Variants in PDXDC1 observed in about 807,000 individuals in gnomAD.
PDXDC1 encodes the protein pyridoxal-dependent decarboxylase domain-containing protein 1.
Under a neutral mutation model 100.1 loss-of-function variants are expected in PDXDC1, and 42 were observed. The observed-to-expected ratio is 0.42, with a 90% confidence interval of 0.33 to 0.54. The LOEUF is 0.54. PDXDC1 is among the 20% of genes least tolerant of loss of function. PDXDC1 has a pLI of 0.10. For synonymous variants in PDXDC1, 260 were observed against 371.7 expected, an observed-to-expected ratio of 0.70 and a Z score of 3.46; for missense variants, 636 against 979.2, an observed-to-expected ratio of 0.65 and a Z score of 4.68.
rs1214370795 is a variant in PDXDC1, at chr16:15,038,329, A to T, written c.*2054A>T. The stretch of plus-strand genomic sequence containing the variant: ...TATATATAATAAAATACGTTAAGAA[A>T]TGAGGTGGCCTGAATTAGTAAGAAA... On this transcript the variant is annotated 3_prime_UTR_variant, in exon 23 of 23. Transcript: ENST00000396410. The T allele has an allele frequency of 1.0e-5, 8 of 765,926 alleles. No individual in the cohort carries two copies. The highest frequency in any genetic ancestry group is 1.7e-5 in the Non-Finnish European group (8 of 483,380). The allele number at this position is 765,926 out of a possible 1,614,324, so 47.4% of individuals were successfully genotyped here.
At chr16:15,128,017 C>G (rs2047839374) in intron 16 of PDXDC1, 1 of 1,601,464 alleles carries the variant, frequency 6.2e-7, no homozygotes, top group Non-Finnish European at 8.5e-7. Flanking sequence ...CCTTCTCCAC[C>G]AGGCCCCCGT....
In PDXDC1 at chr16:14,975,166, C is replaced by T; in HGVS notation, c.-34C>T. ...GGGCGCGGGAGGAGGAAGTAGAGCC[C>T]GGGACCGCCAGGCCACCACCGGCCG... On this transcript the variant is annotated 5_prime_UTR_variant, in exon 1 of 23. Transcript: ENST00000396410. 1 of 1,461,284 alleles carries T rather than the reference C, an allele frequency of 6.8e-7. No individual in the cohort carries two copies. Among genetic ancestry groups the T allele is most frequent in the East Asian group, 2.7e-5 (1 of 37,008 alleles). 90.5% of individuals were successfully genotyped at this position (1,461,284 alleles called of 1,614,324 possible).
downstream of PDXDC1, among the ~76,000 whole-genome samples, chr16:15,143,452 C>T (rs1313794713): frequency 2.6e-5 from 4 of 152,320 alleles, no homozygotes; most frequent in Admixed American, 1.3e-4. Context: ...CATGCTGCAG[C>T]GGGTCTGCCC....
intron 1 of PDXDC1, among the ~76,000 whole-genome samples, chr16:14,991,276 TG>T (rs1970744452): frequency 2.2e-4 from 3 of 13,810 alleles, no homozygotes; most frequent in Middle Eastern, 0.033. Flanking sequence ...TATGTGTGTG[TG>T]TGTGTGTGTG....
At chr16:15,080,661 A>T (rs914309142) in intron 16 of PDXDC1, among the ~76,000 whole-genome samples, 1 of 152,132 alleles carries the variant, frequency 6.6e-6, no homozygotes, top group Non-Finnish European at 1.5e-5. Flanking sequence ...CAACTCCTGG[A>T]TCTTCCCACT....
At chr16:15,038,358 G>T (rs895063868), downstream of PDXDC1, 2 of 657,892 alleles carry the variant, frequency 3.0e-6, no homozygotes, top group African/African-American at 3.7e-5. Flanking sequence ...TAAGAAAAAA[G>T]TTGATTGCTT....
At chr16:15,095,825 G>C (rs1190654234) in intron 16 of PDXDC1, among the ~76,000 whole-genome samples, 1 of 151,600 alleles carries the variant, frequency 6.6e-6, no homozygotes, top group Non-Finnish European at 1.5e-5. Context: ...ACTCCAGCCT[G>C]GGTGACGAGT....
chr16:14,981,739 C>T (rs1393138143), intron 1 of PDXDC1, among the ~76,000 whole-genome samples: 1 of 152,288 alleles, frequency 6.6e-6, no homozygotes, highest in Non-Finnish European at 1.5e-5. Flanking sequence ...TTTTTCCCTC[C>T]TTCACATACT....
intron 13 of PDXDC1, among the ~76,000 whole-genome samples, chr16:15,025,069 T>G (rs1350201530): frequency 6.6e-6 from 1 of 152,408 alleles, no homozygotes; most frequent in African/African-American, 2.4e-5. Flanking sequence ...GATTCACCTT[T>G]TTTTGGGTGT....
rs373141566 is a variant in PDXDC1 at position 15,097,598 on chromosome 16, C to T, written c.1400-41281C>T. 1.5e-4 allele frequency among the ~76,000 whole-genome samples: 22 copies of T among 150,114 alleles called. No individual in the cohort carries two copies. In the East Asian group the frequency reaches 2.2e-3, roughly 15 times the overall value. On this transcript the variant is annotated intron_variant, in intron 16 of 16. Coordinates refer to the PDXDC1 transcript ENST00000535621. ...TGGAGCTTGCAGTGAGCCGAGATCG[C>T]GCCACTGCACCCCAGCCTGGGTGAC...
At chr16:15,126,336 CA>C (rs2047726260) in intron 16 of PDXDC1, among the ~76,000 whole-genome samples, 1 of 92,410 alleles carries the variant, frequency 1.1e-5, no homozygotes, top group Non-Finnish European at 2.5e-5. Flanking sequence ...CACACCCGGC[CA>C]TCGTTCCATT....
At chr16:15,127,985 G>A in intron 16 of PDXDC1, 1 of 1,584,218 alleles carries the variant, frequency 6.3e-7, no homozygotes, top group South Asian at 1.1e-5. Context: ...ATGGAACGAG[G>A]CCTTACTCGC....
At chr16:14,993,986 GGTT>G (rs1275179019) in intron 1 of PDXDC1, among the ~76,000 whole-genome samples, 2 of 152,286 alleles carry the variant, frequency 1.3e-5, no homozygotes, top group African/African-American at 2.4e-5. Flanking sequence ...TTTTTGATGG[GGTT>G]GTTTTTTTCT....
At chr16:15,001,167 C>A (rs1489301200) in intron 3 of PDXDC1, among the ~76,000 whole-genome samples, 1 of 152,200 alleles carries the variant, frequency 6.6e-6, no homozygotes, top group East Asian at 1.9e-4. Flanking sequence ...CCAGGCTGGG[C>A]AACATGGCAA....
chr16:14,993,942 T>A (rs1971425913), intron 1 of PDXDC1, among the ~76,000 whole-genome samples: 1 of 152,238 alleles, frequency 6.6e-6, no homozygotes, highest in Non-Finnish European at 1.5e-5. Flanking sequence ...AAATGTCTTC[T>A]TTTGAGAAGT....
intron 4 of PDXDC1, among the ~76,000 whole-genome samples, chr16:15,002,476 A>G (rs2151372924): frequency 6.6e-6 from 1 of 152,418 alleles, no homozygotes; most frequent in Non-Finnish European, 1.5e-5. Flanking sequence ...TATGTCTTGG[A>G]GTTCACTGCA....
At chr16:15,141,390 G>A (rs969955022), downstream of PDXDC1, among the ~76,000 whole-genome samples, 3 of 152,226 alleles carry the variant, frequency 2.0e-5, no homozygotes, top group Non-Finnish European at 4.4e-5. Flanking sequence ...CGGTGGAGCC[G>A]AGCCCTCACC....
chr16:15,073,016 G>T, intron 16 of PDXDC1: 1 of 1,613,370 alleles, frequency 6.2e-7, no homozygotes, highest in Non-Finnish European at 8.5e-7. Context: ...TGGGCAACAG[G>T]AGTTTGTCAA....
chr16:15,034,106 T>G, intron 19 of PDXDC1, 180 bp from the exon 20 acceptor site: 2 of 609,174 alleles, frequency 3.3e-6, no homozygotes, highest in Non-Finnish European at 5.8e-6. Context: ...TGTGTCTGCC[T>G]AGGCCTCTAT....
Sources: allele counts gnomAD v4.1 joint callset (sites outside exome capture counted in the v4.1 genomes callset), GRCh38; gene constraint gnomAD v4.1.1; transcripts MANE v1.5; gene names NCBI Gene and HGNC (gene_info 2026-07-23, HGNC 2026-07-21).